The following NEDD9 variants were observed in gnomAD, a reference collection of about 807,000 sequenced individuals.
The protein encoded by NEDD9 is enhancer of filamentation 1.
A neutral mutation model predicts 76.6 loss-of-function variants in NEDD9; 26 were observed. The ratio of observed to expected loss-of-function variants is 0.34; its 90% CI spans 0.25 to 0.47. NEDD9 has a LOEUF of 0.47. NEDD9 is among the 20% of genes least tolerant of loss of function. The pLI, the probability that NEDD9 is intolerant of heterozygous loss-of-function variation, is 1.00. For synonymous variants in NEDD9, 392 were observed against 414.2 expected (o/e 0.95, Z 0.65); for missense variants, 937 against 1,058.5 (o/e 0.89, Z 1.59).
chr6:11,191,191 CG>C lies in NEDD9; in HGVS notation c.677del (p.Pro226ArgfsTer22), dbSNP rs1758136543. ...IPPTKGVYAI[P>X]PSACRDEAGL... ...CTGCTTCATCCCGGCAAGCAGAGGG[CG>C]GAATGGCATATACCTGCAAAGCAAG... On this transcript the variant is annotated frameshift_variant, in exon 5 of 7. Transcript: ENST00000379446. LOFTEE classifies it high-confidence loss of function. 1 of 1,602,564 alleles carries C rather than the reference CG, an allele frequency of 6.2e-7. No individual in the cohort carries two copies. Among genetic ancestry groups the C allele is most frequent in the Admixed American group, 1.7e-5 (1 of 58,476 alleles).
At chr6:11,224,599 A>G (rs1436165471) in intron 1 of NEDD9, among the ~76,000 whole-genome samples, 4 of 151,452 alleles carry the variant, frequency 2.6e-5, no homozygotes, top group African/African-American at 9.8e-5. Flanking sequence ...GTGACTAGTA[A>G]CAAGAACGAA....
intron 2 of NEDD9, among the ~76,000 whole-genome samples, chr6:11,327,811 T>C (rs1253322475): frequency 1.3e-5 from 2 of 152,380 alleles, no homozygotes; most frequent in East Asian, 3.9e-4. Flanking sequence ...ATGCTTTGCC[T>C]TGGGGCAAAT....
intron 1 of NEDD9, among the ~76,000 whole-genome samples, chr6:11,335,662 C>G (rs1481542377): frequency 6.6e-6 from 1 of 152,212 alleles, no homozygotes; most frequent in Admixed American, 6.5e-5. Flanking sequence ...AAAATGCTTT[C>G]CAAGTGTTCA....
At chr6:11,339,722 T>G (rs938150550) in intron 1 of NEDD9, among the ~76,000 whole-genome samples, 17 of 152,218 alleles carry the variant, frequency 1.1e-4, no homozygotes, top group African/African-American at 3.4e-4. Flanking sequence ...TGTGGGCCAT[T>G]ATTCACTTTC....
chr6:11,191,283 A>C, intron 4 of NEDD9, 78 bp from the exon 5 acceptor site: 2 of 1,466,116 alleles, frequency 1.4e-6, no homozygotes, highest in South Asian at 2.8e-5. Flanking sequence ...GCTCAGTCCT[A>C]TTTGCTGGCA....
At chr6:11,361,253 T>C (rs1336224233) in intron 1 of NEDD9, among the ~76,000 whole-genome samples, 1 of 152,102 alleles carries the variant, frequency 6.6e-6, no homozygotes, top group Non-Finnish European at 1.5e-5. Context: ...CATATCCTCT[T>C]TATCTTCTGT....
At chr6:11,377,386 G>A (rs1426947318) in intron 1 of NEDD9, among the ~76,000 whole-genome samples, 1 of 152,258 alleles carries the variant, frequency 6.6e-6, no homozygotes, top group Non-Finnish European at 1.5e-5. Flanking sequence ...CAGGGCCAGA[G>A]CTGCTCAAGG....
intron 3 of NEDD9, among the ~76,000 whole-genome samples, chr6:11,278,585 A>G (rs1408781897): frequency 1.3e-5 from 2 of 152,252 alleles, no homozygotes; most frequent in African/African-American, 4.8e-5. Flanking sequence ...AGGTTTATAC[A>G]CTAAAGCTTA....
At chr6:11,231,462 A>G (rs1759466075) in intron 1 of NEDD9, among the ~76,000 whole-genome samples, 1 of 152,252 alleles carries the variant, frequency 6.6e-6, no homozygotes, top group African/African-American at 2.4e-5. Context: ...AAAAATTTAG[A>G]AAAAAAGCGA....
chr6:11,328,970 C>T (rs981470739), intron 2 of NEDD9: 2 of 152,214 alleles, frequency 1.3e-5, no homozygotes, highest in Non-Finnish European at 1.5e-5. Flanking sequence ...TAATGACAAA[C>T]ATTTGCTTGT....
At chr6:11,186,759 A>G (rs1221798033) in intron 6 of NEDD9, among the ~76,000 whole-genome samples, 2 of 152,130 alleles carry the variant, frequency 1.3e-5, no homozygotes, top group Non-Finnish European at 2.9e-5. Context: ...CTGGGACTAC[A>G]GGCGCCCGCC....
intron 2 of NEDD9, chr6:11,306,271 G>C: frequency 1.9e-6 from 1 of 516,044 alleles, no homozygotes; most frequent in Non-Finnish European, 3.5e-6. Context: ...ATAGTCTTGT[G>C]AATGGAATCC....
intron 2 of NEDD9, among the ~76,000 whole-genome samples, chr6:11,202,589 G>A (rs571282252): frequency 6.6e-6 from 1 of 152,218 alleles, no homozygotes; most frequent in African/African-American, 2.4e-5. Context: ...AAAGCCACAT[G>A]TTGCCTACCC....
intron 1 of NEDD9, among the ~76,000 whole-genome samples, chr6:11,227,059 G>A (rs891334097): frequency 6.6e-6 from 1 of 152,076 alleles, no homozygotes; most frequent in African/African-American, 2.4e-5. Context: ...TATACATTTT[G>A]TCTTCTATGA....
At chr6:11,308,148 G>T (rs1483590102) in intron 2 of NEDD9, among the ~76,000 whole-genome samples, 1 of 151,994 alleles carries the variant, frequency 6.6e-6, no homozygotes, top group East Asian at 1.9e-4. Context: ...TAGACTTGAG[G>T]GCTCAAGAGT....
intron 3 of NEDD9, among the ~76,000 whole-genome samples, chr6:11,263,766 CT>C: frequency 6.6e-6 from 1 of 152,198 alleles, no homozygotes. Flanking sequence ...CTTATAACCT[CT>C]TTTGGTAGAC....
chr6:11,310,410 C>A (rs1170559543), intron 2 of NEDD9, among the ~76,000 whole-genome samples: 1 of 152,090 alleles, frequency 6.6e-6, no homozygotes, highest in Non-Finnish European at 1.5e-5. Flanking sequence ...ATGCATTGCC[C>A]TGGCCAAAGC....
rs1328455093 is a variant in NEDD9, at chr6:11,241,877, C to T, written c.13-28150G>A. On this transcript the variant is annotated intron_variant, in intron 3 of 3. Coordinates refer to the NEDD9 transcript ENST00000397378. The surrounding 1 kb of genome is among the most constrained non-coding windows in gnomAD (Gnocchi z 4.0). ...GCCAGCCCAAGCAGCCGCCAGCTGG[C>T]GCTCGTGAGCGCATGAAAGGAATCC... Among the ~76,000 whole-genome samples the T allele has an allele frequency of 2.0e-5, 3 of 152,162 alleles. No homozygotes were observed. The highest frequency in any genetic ancestry group is 4.8e-5 in the African/African-American group (2 of 41,444).
At chr6:11,319,627 A>T (rs200455858) in intron 2 of NEDD9, among the ~76,000 whole-genome samples, 12 of 122,562 alleles carry the variant, frequency 9.8e-5, no homozygotes, top group Admixed American at 3.6e-4. Flanking sequence ...TCACACACAC[A>T]CACACTAACA....
Sources: gnomAD v4.1 joint callset for allele counts (sites outside exome capture counted in the v4.1 genomes callset) on GRCh38, gnomAD v4.1.1 for gene constraint, Gnocchi (gnomAD v3.1) non-coding constraint, MANE v1.5 for transcripts, NCBI Gene and HGNC (gene_info 2026-07-23, HGNC 2026-07-21) for gene names.